Variants in PRTFDC1 observed in about 807,000 individuals in gnomAD.
The protein encoded by PRTFDC1 is phosphoribosyltransferase domain-containing protein 1.
Under a neutral mutation model 34.6 loss-of-function variants are expected in PRTFDC1, and 38 were observed. The ratio of observed to expected loss-of-function variants is 1.10; its 90% CI spans 0.85 to 1.44. PRTFDC1 has a LOEUF of 1.44. Ranked by LOEUF, PRTFDC1 falls within the 40% of genes most tolerant of loss-of-function variation. The pLI, the probability that PRTFDC1 is intolerant of heterozygous loss-of-function variation, is 0.00. For missense variants in PRTFDC1, 270 were observed against 283.0 expected, an observed-to-expected ratio of 0.95 and a Z score of 0.33; for synonymous variants, 93 against 98.1, an observed-to-expected ratio of 0.95 and a Z score of 0.31.
intron 3 of PRTFDC1, among the ~76,000 whole-genome samples, chr10:24,898,201 AG>A (rs2132548772): frequency 6.6e-6 from 1 of 150,506 alleles, no homozygotes; most frequent in African/African-American, 2.4e-5. Context: ...CTGTAATCTC[AG>A]CACTCTGGGA....
chr10:24,951,558 C>T, intron 1 of PRTFDC1: 1 of 985,338 alleles, frequency 1.0e-6, no homozygotes. Flanking sequence ...TACTTTAGTT[C>T]AGGCCATTCA....
intron 3 of PRTFDC1, among the ~76,000 whole-genome samples, chr10:24,910,385 A>T (rs762050090): frequency 6.6e-6 from 1 of 152,210 alleles, no homozygotes; most frequent in Non-Finnish European, 1.5e-5. Flanking sequence ...CTAACAACTG[A>T]TAGATTTTTG....
chr10:24,919,462 T>A (rs1161282414), intron 3 of PRTFDC1, among the ~76,000 whole-genome samples: 1 of 152,142 alleles, frequency 6.6e-6, no homozygotes, highest in Non-Finnish European at 1.5e-5. Context: ...CCCTTCCTTA[T>A]ATCTTATACA....
intron 3 of PRTFDC1, among the ~76,000 whole-genome samples, chr10:24,873,919 T>C (rs373746844): frequency 2.0e-5 from 3 of 151,560 alleles, no homozygotes; most frequent in African/African-American, 7.3e-5. Flanking sequence ...TTTTTTTTTT[T>C]TTTTAAGAGA....
At chr10:24,917,277 G>A (rs1848709098) in intron 3 of PRTFDC1, among the ~76,000 whole-genome samples, 1 of 152,214 alleles carries the variant, frequency 6.6e-6, no homozygotes, top group Non-Finnish European at 1.5e-5. Context: ...GGCTGGGAAA[G>A]CAAGCCGCTG....
At chr10:24,852,506 G>A (rs529028823) in intron 7 of PRTFDC1, among the ~76,000 whole-genome samples, 14 of 152,168 alleles carry the variant, frequency 9.2e-5, no homozygotes, top group Admixed American at 2.6e-4. Context: ...CATGGCTCAC[G>A]GCAGCCTCTA....
intron 4 of PRTFDC1, 28 bp downstream of exon 4, chr10:24,871,970 C>A: frequency 1.3e-6 from 2 of 1,571,114 alleles, no homozygotes; most frequent in South Asian, 1.1e-5. Context: ...GACCTCAATG[C>A]GGTCTGAGCA....
At chr10:24,897,767 T>C (rs575370644) in intron 3 of PRTFDC1, among the ~76,000 whole-genome samples, 8 of 152,356 alleles carry the variant, frequency 5.3e-5, no homozygotes, top group African/African-American at 1.9e-4. Context: ...ATAGACGCTT[T>C]CTTTCATGAA....
chr10:24,863,422 T>A (rs912285317), intron 4 of PRTFDC1, among the ~76,000 whole-genome samples: 9 of 152,170 alleles, frequency 5.9e-5, no homozygotes, highest in Non-Finnish European at 1.2e-4. Context: ...AAAACAAGAT[T>A]CCTTTCAAAA....
intron 4 of PRTFDC1, among the ~76,000 whole-genome samples, chr10:24,864,907 G>A (rs1311732892): frequency 6.6e-6 from 1 of 152,126 alleles, no homozygotes; most frequent in Non-Finnish European, 1.5e-5. Flanking sequence ...CTTGAGGCCA[G>A]GAGTTTGAGA....
In PRTFDC1 at chr10:24,857,033, T is replaced by C. The variant is rs1007300602; in HGVS notation, c.424-38A>G. On this transcript the variant is annotated intron_variant, in intron 5 of 8. Coordinates refer to ENST00000320152, the MANE Select transcript of PRTFDC1 (RefSeq NM_020200.7). Reference sequence around the variant, plus strand: ...GACAGATAAATTCAACAAAATGCATTTGAGCAGCACAATAGACTTTTCACC... The same window carrying C: ...GACAGATAAATTCAACAAAATGCATCTGAGCAGCACAATAGACTTTTCACC... 2.6e-6 allele frequency: 4 copies of C among 1,516,366 alleles called. No individual in the cohort carries two copies. In the Admixed American group the frequency reaches 6.7e-5, roughly 25 times the overall value. 93.9% of individuals were successfully genotyped at this position (1,516,366 alleles called of 1,614,324 possible).
At chr10:24,921,672 C>T (rs1848790686) in intron 3 of PRTFDC1, among the ~76,000 whole-genome samples, 1 of 148,422 alleles carries the variant, frequency 6.7e-6, no homozygotes, top group African/African-American at 2.5e-5. Flanking sequence ...ACATTATTCT[C>T]CTATTTGTCA....
At chr10:24,877,836 G>A (rs1436239200) in intron 3 of PRTFDC1, among the ~76,000 whole-genome samples, 6 of 152,062 alleles carry the variant, frequency 3.9e-5, no homozygotes, top group African/African-American at 1.4e-4. Context: ...GGTCAGGCTG[G>A]TCTTGAACTC....
intron 8 of PRTFDC1, among the ~76,000 whole-genome samples, chr10:24,851,175 A>G (rs1035645765): frequency 6.6e-6 from 1 of 152,236 alleles, no homozygotes. Context: ...AGTACAAAAT[A>G]GAGATAATCA....
intron 2 of PRTFDC1, among the ~76,000 whole-genome samples, chr10:24,938,175 G>A (rs1849085599): frequency 6.6e-6 from 1 of 151,516 alleles, no homozygotes; most frequent in Non-Finnish European, 1.5e-5. Flanking sequence ...GCAATGATCT[G>A]AGATTGCACC....
intron 3 of PRTFDC1, among the ~76,000 whole-genome samples, chr10:24,906,861 G>C (rs897922735): frequency 1.3e-5 from 2 of 152,226 alleles, no homozygotes; most frequent in African/African-American, 4.8e-5. Flanking sequence ...GGGCCAAAGA[G>C]GGGAGAAATG....
At chr10:24,938,666 G>T (rs1348140472) in intron 2 of PRTFDC1, among the ~76,000 whole-genome samples, 1 of 152,156 alleles carries the variant, frequency 6.6e-6, no homozygotes, top group Non-Finnish European at 1.5e-5. Context: ...TTCCAGGGAG[G>T]AGGTTAGACA....
At chr10:24,871,260 G>A (rs1226122350) in intron 4 of PRTFDC1, among the ~76,000 whole-genome samples, 2 of 152,052 alleles carry the variant, frequency 1.3e-5, no homozygotes, top group Non-Finnish European at 2.9e-5. Context: ...AGCAGTTCAG[G>A]GATAAGGAAT....
At chr10:24,865,550 A>G (rs1341857743) in intron 4 of PRTFDC1, among the ~76,000 whole-genome samples, 2 of 152,204 alleles carry the variant, frequency 1.3e-5, no homozygotes, top group Non-Finnish European at 2.9e-5. Context: ...CAAAAACTCT[A>G]TGAGGAATCT....
Sources: allele counts gnomAD v4.1 joint callset (sites outside exome capture counted in the v4.1 genomes callset), GRCh38; gene constraint gnomAD v4.1.1; transcripts MANE v1.5; gene names NCBI Gene and HGNC (gene_info 2026-07-23, HGNC 2026-07-21).